The following NAALAD2 variants were observed in gnomAD, a reference collection of about 807,000 sequenced individuals.
NAALAD2 encodes N-acetylated alpha-linked acidic dipeptidase 2.
Under a neutral mutation model 95.6 loss-of-function variants are expected in NAALAD2, and 89 were observed. The ratio of observed to expected loss-of-function variants is 0.93; its 90% confidence interval spans 0.78 to 1.11. The LOEUF (loss-of-function observed/expected upper bound fraction) is 1.11, where lower values mean the gene tolerates loss of function less well. NAALAD2 is among the 50% of genes least tolerant of loss of function. NAALAD2 has a pLI of 0.00. For missense variants in NAALAD2, 894 were observed against 872.4 expected (o/e 1.02, Z -0.31); for synonymous variants, 264 against 294.4 (o/e 0.90, Z 1.06).
At chr11:90,163,199 T>C in intron 9 of NAALAD2, 111 bp from the exon 10 acceptor site, 2 of 1,290,982 alleles carry the variant, frequency 1.5e-6, no homozygotes, top group South Asian at 3.0e-5. Context: ...TTTATAGTGT[T>C]GTCTTCTATA....
chr11:90,155,037 ATG>A (rs1176350712), intron 6 of NAALAD2, among the ~76,000 whole-genome samples: 4 of 122,444 alleles, frequency 3.3e-5, no homozygotes, highest in Middle Eastern at 6.0e-3. Flanking sequence ...ATATGTATAT[ATG>A]TGTGTATATA....
At chr11:90,149,891 C>T (rs754348516) in intron 4 of NAALAD2, among the ~76,000 whole-genome samples, 1 of 152,046 alleles carries the variant, frequency 6.6e-6, no homozygotes, top group African/African-American at 2.4e-5. Context: ...TTTAAAATGA[C>T]ATTTATTTAC....
chr11:90,174,133 A>T (rs1386696932), intron 14 of NAALAD2, among the ~76,000 whole-genome samples: 1 of 152,100 alleles, frequency 6.6e-6, no homozygotes, highest in African/African-American at 2.4e-5. Context: ...GGCATTGGAG[A>T]CCAGCCTGGC....
chr11:90,156,019 A>G (rs1179601728), intron 6 of NAALAD2, among the ~76,000 whole-genome samples: 1 of 150,910 alleles, frequency 6.6e-6, no homozygotes, highest in Non-Finnish European at 1.5e-5. Flanking sequence ...TGAATTTATG[A>G]GCATAGAGTG....
At chr11:90,152,528 C>T (rs375511564) in intron 6 of NAALAD2, 44 bp downstream of exon 6, 20 of 1,471,190 alleles carry the variant, frequency 1.4e-5, no homozygotes, top group Non-Finnish European at 1.6e-5. Context: ...CAAAAATACT[C>T]CTTGCCCTTT....
In NAALAD2 at chr11:90,162,930, A is replaced by T. The variant is rs1952337123; in HGVS notation, c.990-19A>T. ...CATAATTTGCTGTACTAAGTAATTT[A>T]TTCCTTTTAAAATTCTAGGAAGGTT... On this transcript the variant is annotated intron_variant, in intron 8 of 18. Coordinates refer to ENST00000534061, the MANE Select transcript of NAALAD2 (RefSeq NM_005467.4). 7.6e-7 allele frequency: 1 copy of T among 1,322,496 alleles called. No homozygotes were observed. The highest frequency in any genetic ancestry group is 1.5e-5 in the African/African-American group (1 of 67,476). The allele number at this position is 1,322,496 out of a possible 1,614,324, so 81.9% of individuals were successfully genotyped here. A position where few individuals can be genotyped will look rare whatever the true frequency, so the allele number is the denominator to read the frequency against.
intron 6 of NAALAD2, 95 bp from the exon 7 acceptor site, chr11:90,158,050 G>T: frequency 1.1e-6 from 1 of 930,898 alleles, no homozygotes; most frequent in Non-Finnish European, 1.7e-6. Flanking sequence ...AATTGCAAAT[G>T]TATAGCAAAT....
intron 18 of NAALAD2, among the ~76,000 whole-genome samples, chr11:90,189,034 T>C (rs541455558): frequency 2.6e-5 from 4 of 152,356 alleles, no homozygotes; most frequent in African/African-American, 7.2e-5. Context: ...TTCTGAATTA[T>C]ACTGGTGGTC....
chr11:90,162,591 G>C (rs1952328059), intron 8 of NAALAD2: 1 of 152,820 alleles, frequency 6.5e-6, no homozygotes, highest in African/African-American at 2.4e-5. Context: ...ATTAACTGGG[G>C]TATATTTTTA....
chr11:90,170,123 A>T lies in NAALAD2; in HGVS notation c.1397A>T (p.Lys466Ile), dbSNP rs1299927614. 1.3e-6 allele frequency: 2 copies of T among 1,585,068 alleles called. No individual in the cohort carries two copies. Among genetic ancestry groups the T allele is most frequent in the Non-Finnish European group, 1.7e-6 (2 of 1,153,818 alleles). ...CCCCTTCTTTACCAATTAGTGTATA[A>T]ACTGACAAAAGAGGTATATAAGGAA... ...CTPLLYQLVY[K>I]LTKEIPSPDD... Residue 466 changes from lysine (K) to isoleucine (I), a missense_variant, in exon 13 of 19, where the codon AAA becomes ATA. Transcript: ENST00000534061.
intron 15 of NAALAD2, among the ~76,000 whole-genome samples, chr11:90,177,582 T>A (rs1439336809): frequency 3.9e-5 from 5 of 128,284 alleles, no homozygotes; most frequent in Admixed American, 3.3e-4. Flanking sequence ...TTTTTCTTTT[T>A]CTTGTTTTTT....
At position 90,163,314 on chromosome 11, in the gene NAALAD2, GT is replaced by G. The variant is rs1451338131; in HGVS notation, c.1081del (p.Tyr361MetfsTer35). On this transcript the variant is annotated frameshift_variant, in exon 10 of 19. Coordinates refer to ENST00000534061, the MANE Select transcript of NAALAD2 (RefSeq NM_005467.4). LOFTEE classifies it high-confidence loss of function. ...CTTGAACGTATTATTTTCCAGACAG[GT>G]ATGTTATTCTGGGAGGTCACCGGGA... ...TIRGSVEPDR[Y>X]VILGGHRDSW... 6.2e-7 allele frequency: 1 copy of G among 1,612,978 alleles called. No individual in the cohort carries two copies. The highest frequency in any genetic ancestry group is 8.5e-7 in the Non-Finnish European group (1 of 1,179,348).
intron 18 of NAALAD2, among the ~76,000 whole-genome samples, chr11:90,185,858 C>CTTTT (rs375865674): frequency 0.02 from 2,710 of 133,024 alleles, 73 homozygotes; most frequent in African/African-American, 0.06. Context: ...AGGGTAAACA[C>CTTTT]TTTTTTTTTT....
At chr11:90,175,053 C>T (rs564422153) in intron 14 of NAALAD2, among the ~76,000 whole-genome samples, 22 of 152,134 alleles carry the variant, frequency 1.4e-4, no homozygotes, top group Non-Finnish European at 2.9e-4. Flanking sequence ...AGATATCTCA[C>T]TGCATATATG....
intron 11 of NAALAD2, among the ~76,000 whole-genome samples, chr11:90,167,743 C>T (rs1383803638): frequency 6.6e-6 from 1 of 152,158 alleles, no homozygotes; most frequent in African/African-American, 2.4e-5. Context: ...TGTGAATGCA[C>T]CAATCCACAC....
intron 1 of NAALAD2, chr11:90,135,069 T>C: frequency 1.9e-6 from 1 of 526,796 alleles, no homozygotes; most frequent in East Asian, 3.2e-5. Context: ...AAATGTTCAC[T>C]GAGTTCACTA....
chr11:90,192,694 TCATA>T lies in NAALAD2; in HGVS notation c.*951_*954del, dbSNP rs1857367309. On this transcript the variant is annotated 3_prime_UTR_variant, in exon 19 of 19. Coordinates refer to ENST00000534061, the MANE Select transcript of NAALAD2 (RefSeq NM_005467.4). ...ATGGTCAGGAAAAAGCCAGTAATAT[TCATA>T]CATTTAATAATTTCAGCTCTACTGA... The T allele has an allele frequency of 6.6e-6, 1 of 152,014 alleles. No individual in the cohort carries two copies. The highest frequency in any genetic ancestry group is 2.1e-4 in the South Asian group (1 of 4,834). 9.4% of individuals were successfully genotyped at this position (152,014 alleles called of 1,614,324 possible). A position where few individuals can be genotyped will look rare whatever the true frequency, so the allele number is the denominator to read the frequency against.
At chr11:90,146,390 A>C (rs1590964290) in intron 2 of NAALAD2, among the ~76,000 whole-genome samples, 3 of 95,492 alleles carry the variant, frequency 3.1e-5, no homozygotes, top group South Asian at 7.4e-4. Context: ...ATGTAGTCTC[A>C]CTCTGTCACC....
chr11:90,158,299 T>A (rs779281359), intron 7 of NAALAD2, 61 bp downstream of exon 7: 1 of 1,233,800 alleles, frequency 8.1e-7, no homozygotes, highest in Non-Finnish European at 1.2e-6. Context: ...TATTTTCTCA[T>A]TGAAAACCAA....
Sources: allele counts gnomAD v4.1 joint callset (sites outside exome capture counted in the v4.1 genomes callset), GRCh38; gene constraint gnomAD v4.1.1; transcripts MANE v1.5; gene names NCBI Gene and HGNC (gene_info 2026-07-23, HGNC 2026-07-21).